The following DEPTOR variants were observed in gnomAD, a reference collection of about 807,000 sequenced individuals.
The protein encoded by DEPTOR is DEP domain containing MTOR interacting protein, also known as DEP domain-containing mTOR-interacting protein.
In DEPTOR, 41 loss-of-function variants were observed where a neutral mutation model predicts 41.6. That is an observed-to-expected ratio of 0.98 (90% CI 0.77 to 1.28). The LOEUF is 1.28. Among genes scored for constraint, DEPTOR ranks in the 50% most tolerant of loss-of-function variants. The pLI is 0.00. For synonymous variants in DEPTOR, 195 were observed against 192.3 expected (o/e 1.01, Z -0.12); for missense variants, 514 against 527.9 (o/e 0.97, Z 0.26).
intron 1 of DEPTOR, among the ~76,000 whole-genome samples, chr8:119,878,177 A>G (rs1827252718): frequency 6.6e-6 from 1 of 151,888 alleles, no homozygotes; most frequent in South Asian, 2.1e-4. Flanking sequence ...TTATTTATTC[A>G]TTTAGTTATT....
At chr8:119,915,315 T>G (rs1236334032) in intron 1 of DEPTOR, among the ~76,000 whole-genome samples, 1 of 152,198 alleles carries the variant, frequency 6.6e-6, no homozygotes, top group Non-Finnish European at 1.5e-5. Flanking sequence ...TTTCTATATA[T>G]TTTGTCTTTG....
chr8:119,950,286 C>T (rs3930200), intron 3 of DEPTOR, among the ~76,000 whole-genome samples: 116,267 of 152,132 alleles, frequency 0.76, 44,506 homozygotes, highest in Middle Eastern at 0.88. Context: ...TCTTTTTATA[C>T]TGCTTCCACA....
chr8:120,012,787 G>A (rs548047183), intron 8 of DEPTOR, among the ~76,000 whole-genome samples: 5 of 152,024 alleles, frequency 3.3e-5, no homozygotes, highest in South Asian at 2.1e-4. Context: ...CGCCTGCCTC[G>A]GCCTCCCAAA....
Position 119,962,118 on chromosome 8 carries a change from A to T in DEPTOR, c.426-3114A>T, listed in dbSNP as rs904582074. 3.3e-5 allele frequency among the ~76,000 whole-genome samples: 5 copies of T among 150,558 alleles called. No individual in the cohort carries two copies. In the Admixed American group the frequency reaches 3.3e-4, roughly 10 times the overall value. Reference sequence around the variant, plus strand: ...AAAAAAAAAAAAAAAGTAGCTGGACATGGTGGTGCATGCCTGTAGTTCCAG... The same window carrying T: ...AAAAAAAAAAAAAAAGTAGCTGGACTTGGTGGTGCATGCCTGTAGTTCCAG... On this transcript the variant is annotated intron_variant, in intron 3 of 8. Coordinates refer to ENST00000286234, the MANE Select transcript of DEPTOR (RefSeq NM_022783.4).
chr8:120,035,134 A>G (rs181871290), intron 8 of DEPTOR, among the ~76,000 whole-genome samples: 1 of 152,104 alleles, frequency 6.6e-6, no homozygotes, highest in Non-Finnish European at 1.5e-5. Context: ...CCTGGGCAAC[A>G]TGGCAAAACC....
intron 8 of DEPTOR, among the ~76,000 whole-genome samples, chr8:120,018,272 G>T (rs1812642348): frequency 6.6e-6 from 1 of 152,130 alleles, no homozygotes; most frequent in African/African-American, 2.4e-5. Flanking sequence ...ATCCTGAAGT[G>T]ATGTTTTAAA....
At chr8:119,958,610 C>A (rs532818648) in intron 3 of DEPTOR, among the ~76,000 whole-genome samples, 10 of 152,044 alleles carry the variant, frequency 6.6e-5, no homozygotes, top group African/African-American at 2.2e-4. Context: ...GGTAAAATCC[C>A]ATCTCTACTA....
chr8:119,907,081 A>G (rs1307645931), intron 1 of DEPTOR, among the ~76,000 whole-genome samples: 1 of 152,172 alleles, frequency 6.6e-6, no homozygotes, highest in African/African-American at 2.4e-5. Context: ...CACCAAAAGC[A>G]TATTTTTCTG....
At chr8:119,994,064 G>A (rs1812217077) in intron 4 of DEPTOR, among the ~76,000 whole-genome samples, 1 of 151,950 alleles carries the variant, frequency 6.6e-6, no homozygotes, top group Admixed American at 6.6e-5. Flanking sequence ...GCTGACGCAG[G>A]AGGTGGAGGT....
chr8:119,933,926 C>T (rs1828077245), intron 3 of DEPTOR, among the ~76,000 whole-genome samples: 2 of 152,110 alleles, frequency 1.3e-5, no homozygotes. Context: ...ATCACCCAGG[C>T]TGAAGTGCAG....
intron 3 of DEPTOR, among the ~76,000 whole-genome samples, chr8:119,949,004 T>G (rs1041626999): frequency 6.6e-6 from 1 of 152,192 alleles, no homozygotes; most frequent in Non-Finnish European, 1.5e-5. Context: ...CCAGGCAGTC[T>G]CAAACTCCTG....
intron 4 of DEPTOR, among the ~76,000 whole-genome samples, chr8:119,980,008 C>T (rs759586274): frequency 6.6e-6 from 1 of 152,130 alleles, no homozygotes; most frequent in Non-Finnish European, 1.5e-5. Flanking sequence ...TTTCAAAGTA[C>T]TGTACCCAAT....
At chr8:120,013,825 C>T (rs974853142) in intron 8 of DEPTOR, among the ~76,000 whole-genome samples, 1 of 148,064 alleles carries the variant, frequency 6.8e-6, no homozygotes, top group African/African-American at 2.5e-5. Flanking sequence ...GATTTTCACA[C>T]TTTTGCTATG....
At position 119,873,770 on chromosome 8, in the gene DEPTOR, T is replaced by A. The variant is rs988444197; in HGVS notation, c.-77T>A. On this transcript the variant is annotated 5_prime_UTR_variant, in exon 1 of 9. Transcript: ENST00000286234. ...GAACAAAGATGGCGCGGGAAGCGTC[T>A]GTGAGGGCAGACTGATCCGAGCACC... 56 of 1,571,342 alleles carry A rather than the reference T, an allele frequency of 3.6e-5. No homozygotes were observed. The African/African-American group carries it at 4.1e-4, about 12-fold the overall frequency.
At chr8:120,025,805 A>G (rs7012522) in intron 8 of DEPTOR, among the ~76,000 whole-genome samples, 122,898 of 151,198 alleles carry the variant, frequency 0.81, 50,022 homozygotes, top group African/African-American at 0.83. Flanking sequence ...ATTCCCCACC[A>G]AGCAACCAAA....
At chr8:119,946,721 C>T (rs1033169251) in intron 3 of DEPTOR, among the ~76,000 whole-genome samples, 3 of 151,752 alleles carry the variant, frequency 2.0e-5, no homozygotes, top group Non-Finnish European at 4.4e-5. Flanking sequence ...GCAACAAGAG[C>T]GAAACTTTGT....
At chr8:119,983,505 C>T (rs1488286765) in intron 4 of DEPTOR, among the ~76,000 whole-genome samples, 1 of 152,148 alleles carries the variant, frequency 6.6e-6, no homozygotes, top group Non-Finnish European at 1.5e-5. Flanking sequence ...CTGCCTTAGC[C>T]TGTTTAGTAG....
At chr8:119,957,016 C>A (rs1828427169) in intron 3 of DEPTOR, among the ~76,000 whole-genome samples, 1 of 151,836 alleles carries the variant, frequency 6.6e-6, no homozygotes, top group Non-Finnish European at 1.5e-5. Flanking sequence ...GGATTACAGG[C>A]ATGATTCACT....
intron 1 of DEPTOR, among the ~76,000 whole-genome samples, chr8:119,883,822 T>C (rs1827330384): frequency 6.6e-6 from 1 of 152,220 alleles, no homozygotes; most frequent in Non-Finnish European, 1.5e-5. Context: ...AGTAGGTATC[T>C]ATGTCTTGGC....
Sources: allele counts gnomAD v4.1 joint callset (sites outside exome capture counted in the v4.1 genomes callset), GRCh38; gene constraint gnomAD v4.1.1; transcripts MANE v1.5; gene names NCBI Gene and HGNC (gene_info 2026-07-23, HGNC 2026-07-21).